The following PEX6 variants were observed in gnomAD, a reference collection of about 807,000 sequenced individuals.
The protein encoded by PEX6 is peroxisome biogenesis factor 6.
In PEX6, 55 loss-of-function variants were observed where a neutral mutation model predicts 85.6. The ratio of observed to expected loss-of-function variants is 0.64; its 90% confidence interval spans 0.52 to 0.80. The LOEUF is 0.80. PEX6 is among the 30% of genes least tolerant of loss of function. The pLI is 0.00. For missense variants in PEX6, 1,099 were observed against 1,260.3 expected, an observed-to-expected ratio of 0.87 and a Z score of 1.94; for synonymous variants, 519 against 549.1, an observed-to-expected ratio of 0.95 and a Z score of 0.77.
At chr6:42,970,087 C>CA (rs1186040939) in intron 3 of PEX6, 100 bp from the exon 4 acceptor site, 1 of 899,730 alleles carries the variant, frequency 1.1e-6, no homozygotes, top group Non-Finnish European at 1.8e-6. Context: ...AAAAGCACCA[C>CA]AAGAGCGTGT....
At chr6:42,974,139 G>T in intron 2 of PEX6, 53 bp from the exon 3 acceptor site, 2 of 1,367,046 alleles carry the variant, frequency 1.5e-6, no homozygotes, top group Non-Finnish European at 2.1e-6. Flanking sequence ...ATGAGCATGT[G>T]TTCATTACCA....
rs1027610897 is a variant in PEX6, at chr6:42,971,107, A to G, written c.1131-1120T>C. 6.6e-6 allele frequency among the ~76,000 whole-genome samples: 1 copy of G among 152,216 alleles called. No homozygotes were observed. The highest frequency in any genetic ancestry group is 1.5e-5 in the Non-Finnish European group (1 of 68,034). On this transcript the variant is annotated intron_variant, in intron 3 of 16. Coordinates refer to ENST00000304611, the MANE Select transcript of PEX6 (RefSeq NM_000287.4). This position sits in a 1 kb window ranked among gnomAD's most constrained non-coding sequence, Gnocchi z 4.4. ...AATTCCTCTGCTCACACTGCCCCAC[A>G]GTCTCAAAGCTGCTCTCTCTAGCAG...
chr6:42,976,872 TAA>T (rs1281117137), intron 1 of PEX6, among the ~76,000 whole-genome samples: 1 of 152,086 alleles, frequency 6.6e-6, no homozygotes. Flanking sequence ...CCAAAGATAA[TAA>T]AGACTCCTTT....
At chr6:42,977,177 C>T (rs1460051727) in intron 1 of PEX6, among the ~76,000 whole-genome samples, 2 of 149,500 alleles carry the variant, frequency 1.3e-5, no homozygotes, top group Non-Finnish European at 3.0e-5. Flanking sequence ...TTATAAAGCA[C>T]AATACTGAAT....
intron 2 of PEX6, 73 bp downstream of exon 2, chr6:42,974,802 G>A (rs1770217087): frequency 7.1e-7 from 1 of 1,414,422 alleles, no homozygotes; most frequent in African/African-American, 1.4e-5. Flanking sequence ...GGGGTACTTG[G>A]TTCTAAGGCA....
At position 42,964,692 on chromosome 6, in the gene PEX6, C is replaced by T. The variant is rs1303718650; in HGVS notation, c.2806+98G>A. 7.3e-6 allele frequency: 11 copies of T among 1,516,172 alleles called. No homozygotes were observed. The Admixed American group carries it at 1.0e-4, about 14-fold the overall frequency. 93.9% of individuals were successfully genotyped at this position (1,516,172 alleles called of 1,614,324 possible). A position where few individuals can be genotyped will look rare whatever the true frequency, so the allele number is the denominator to read the frequency against. On this transcript the variant is annotated intron_variant, in intron 16 of 16. Transcript: ENST00000304611. This position sits in a 1 kb window ranked among gnomAD's most constrained non-coding sequence, Gnocchi z 4.6. ...CTGGCCTCAAACTCCTGGGCTCAAG[C>T]GATCCTCCCACCTCAGCCTCTCAAG...
At position 42,967,559 on chromosome 6, in the gene PEX6, G is replaced by A. The variant is rs890470568; in HGVS notation, c.1693C>T (p.Pro565Ser). The A allele has an allele frequency of 3.1e-6, 5 of 1,598,288 alleles. No individual in the cohort carries two copies. Among genetic ancestry groups the A allele is most frequent in the Admixed American group, 3.5e-5 (2 of 57,544 alleles). The change falls in exon 8 of 17, where the codon CCT (proline) becomes TCT (serine). Residue 565 changes from proline (P) to serine (S), a missense_variant. This residue lies in a region of PEX6 where 514 missense variants were observed against 627.0 expected (regional missense o/e 0.82). Transcript: ENST00000304611. ...GTGGTGGCCACAACCATGAGGGGAG[G>A]GCAGCTGCAGACAGAGGAGTGGGCA... ...LLNEDPLNSC[P>S]PLMVVATTSR...
rs146571927 is a variant in PEX6 at position 42,978,466 on chromosome 6, T to C, written c.685A>G (p.Arg229Gly). Residue 229 changes from arginine to glycine, a missense_variant, in exon 1 of 17, where the codon AGA (arginine) becomes GGA (glycine). By Grantham distance (125) the Arg-to-Gly change is moderately radical (BLOSUM62 -2). Coordinates refer to ENST00000304611, the MANE Select transcript of PEX6 (RefSeq NM_000287.4). ...GGCTGTGAAGTGTTCGATGACTCTCTGGCCTGGGCCACCCACACCCATTCG... is the reference window on the plus strand; with the variant it reads ...GGCTGTGAAGTGTTCGATGACTCTCCGGCCTGGGCCACCCACACCCATTCG... ...QGEWVWVAQA[R>G]ESSNTSQPHL... 524 of 1,614,168 alleles carry C rather than the reference T, an allele frequency of 3.2e-4. 4 individuals carry two copies. The African/African-American group carries it at 6.1e-3, about 19-fold the overall frequency.
chr6:42,967,307 G>C, intron 8 of PEX6, 61 bp downstream of exon 8: 2 of 1,505,662 alleles, frequency 1.3e-6, no homozygotes, highest in Non-Finnish European at 1.8e-6. Context: ...ACAGGACTGA[G>C]TTCTTGTAAC....
At position 42,974,055 on chromosome 6, in the gene PEX6, G is replaced by A. The variant is rs983524891; in HGVS notation, c.1078C>T (p.Pro360Ser). Residue 360 changes from proline to serine, a missense_variant, in exon 3 of 17, where the codon CCA becomes TCA. By Grantham distance (74) the Pro-to-Ser change is moderately conservative. This residue lies in a region of PEX6 where 579 missense variants were observed against 611.6 expected (regional missense o/e 0.95). Coordinates refer to ENST00000304611, the MANE Select transcript of PEX6 (RefSeq NM_000287.4). ...AGGATCTCTACTTGCCCAATTGTTGGCACACATAGAACATCCCCTTCCTGG... is the reference window on the plus strand; with the variant it reads ...AGGATCTCTACTTGCCCAATTGTTGACACACATAGAACATCCCCTTCCTGG... ...VVQEGDVLCV[P>S]TIGQVEILEG... The A allele has an allele frequency of 1.5e-5, 24 of 1,613,856 alleles. No individual in the cohort carries two copies. The highest frequency in any genetic ancestry group is 2.0e-5 in the Non-Finnish European group (24 of 1,179,916).
Position 42,967,743 on chromosome 6 carries a change from G to A in PEX6, c.1689-180C>T, listed in dbSNP as rs184915687. On this transcript the variant is annotated intron_variant, in intron 7 of 16. Coordinates refer to ENST00000304611, the MANE Select transcript of PEX6 (RefSeq NM_000287.4). ...AACTGTGTTTCCCCCATCACATTGA[G>A]GGCAGAGGCTTTTTCTTTAACCGAG... Among the ~76,000 whole-genome samples, 581 of 152,142 alleles carry A rather than the reference G, an allele frequency of 3.8e-3. 3 individuals are homozygous for A. Among genetic ancestry groups the A allele is most frequent in the African/African-American group, 0.014 (561 of 41,502 alleles).
Position 42,968,457 on chromosome 6 carries a change from C to T in PEX6, c.1521G>A (p.Val507=). ...AGAAGATGGCCTGCAGTTTTGTCTC[C>T]ACAGCCCCACTACTTTCTGCACAGA... ...SSLCAESSGA[V]ETKLQAIFSR... Residue 507 remains valine, a synonymous_variant, in exon 7 of 17, where the codon GTG becomes GTA. Transcript: ENST00000304611. The T allele has an allele frequency of 1.3e-6, 2 of 1,599,914 alleles. No homozygotes were observed. Among genetic ancestry groups the T allele is most frequent in the Non-Finnish European group, 1.7e-6 (2 of 1,173,146 alleles).
At chr6:42,974,718 C>T (rs1770213465) in intron 2 of PEX6, among the ~76,000 whole-genome samples, 157 bp downstream of exon 2, 1 of 151,972 alleles carries the variant, frequency 6.6e-6, no homozygotes. Flanking sequence ...ACCTCGGCCT[C>T]CCAAAGTGCT....
Position 42,969,969 on chromosome 6 carries a change from A to G in PEX6, c.1149T>C (p.Phe383=), listed in dbSNP as rs1229893222. ...CTTCCCCAACTGTTTTCTTCACTTT[A>G]AAAAACATTTCCCGCCACCTGCAGG... ...EKLPRWREMF[F]KVKKTVGEAP... Residue 383 remains phenylalanine, a synonymous_variant, in exon 4 of 17, where the codon TTT becomes TTC. Coordinates refer to ENST00000304611, the MANE Select transcript of PEX6 (RefSeq NM_000287.4). 1 of 1,614,108 alleles carries G rather than the reference A, an allele frequency of 6.2e-7. No homozygotes were observed. Among genetic ancestry groups the G allele is most frequent in the Non-Finnish European group, 8.5e-7 (1 of 1,179,976 alleles).
chr6:42,967,682 G>C (rs1209663130), intron 7 of PEX6, 119 bp from the exon 8 acceptor site: 2 of 829,282 alleles, frequency 2.4e-6, no homozygotes, highest in Non-Finnish European at 3.9e-6. Flanking sequence ...GGATGGGGTA[G>C]GGAGATGAGC....
chr6:42,966,454 G>T lies in PEX6; in HGVS notation c.2095-7C>A, dbSNP rs750469180. 6.2e-7 allele frequency: 1 copy of T among 1,614,048 alleles called. No individual in the cohort carries two copies. The highest frequency in any genetic ancestry group is 8.5e-7 in the Non-Finnish European group (1 of 1,179,944). The stretch of plus-strand genomic sequence containing the variant: ...GCCAGGACACTGAGGGGATCTAGGA[G>T]ATGGAAAGTGCGTGGTTGGGATATG... On this transcript the variant is annotated splice_region_variant and splice_polypyrimidine_tract_variant and intron_variant, in intron 10 of 16. Coordinates refer to ENST00000304611, the MANE Select transcript of PEX6 (RefSeq NM_000287.4).
chr6:42,966,423 C>A lies in PEX6; in HGVS notation c.2119G>T (p.Val707Leu). The A allele has an allele frequency of 6.2e-7, 1 of 1,614,198 alleles. No homozygotes were observed. Among genetic ancestry groups the A allele is most frequent in the Non-Finnish European group, 8.5e-7 (1 of 1,180,038 alleles). The stretch of plus-strand genomic sequence containing the variant: ...TTCTTCACCTCCTGCAGCCCACCCA[C>A]ATCATGCCAGGACACTGAGGGGATC... ...PKIPSVSWHDVGGLQEVKKEI... is the reference protein window; with the variant it reads ...PKIPSVSWHDLGGLQEVKKEI... The change falls in exon 11 of 17, where the codon GTG becomes TTG. Residue 707 changes from valine (V) to leucine (L), a missense_variant. Coordinates refer to ENST00000304611, the MANE Select transcript of PEX6 (RefSeq NM_000287.4).
intron 3 of PEX6, among the ~76,000 whole-genome samples, chr6:42,972,553 A>G (rs1032751309): frequency 1.3e-5 from 2 of 152,006 alleles, no homozygotes; most frequent in Non-Finnish European, 2.9e-5. Context: ...GGCGGATCAC[A>G]AGGTCAGGAG....
intron 1 of PEX6, among the ~76,000 whole-genome samples, chr6:42,975,867 C>T (rs1328228521): frequency 6.6e-6 from 1 of 151,928 alleles, no homozygotes; most frequent in Non-Finnish European, 1.5e-5. Context: ...GCATGTGCAC[C>T]ACCATGCCTG....
Sources: allele counts gnomAD v4.1 joint callset (sites outside exome capture counted in the v4.1 genomes callset), GRCh38; gene constraint gnomAD v4.1.1; regional missense constraint gnomAD v4.1.1; non-coding constraint Gnocchi (gnomAD v3.1); transcripts MANE v1.5; gene names NCBI Gene and HGNC (gene_info 2026-07-23, HGNC 2026-07-21).